Variants in ZNF678 observed in about 807,000 individuals in gnomAD.
ZNF678 encodes hypothetical protein MGC42493.
Under a neutral mutation model 3.0 loss-of-function variants are expected in ZNF678, and 5 were observed. That is an observed-to-expected ratio of 1.69 (90% CI 0.88 to 3.56). ZNF678 has a LOEUF of 3.56. ZNF678 is among the 30% of genes most tolerant of loss of function. ZNF678 has a pLI of 0.00. For missense variants in ZNF678, 593 were observed against 605.0 expected, an observed-to-expected ratio of 0.98 and a Z score of 0.21; for synonymous variants, 218 against 199.6, an observed-to-expected ratio of 1.09 and a Z score of -0.78.
Position 227,656,557 on chromosome 1 carries a change from C to T in ZNF678, c.*729C>T, listed in dbSNP as rs2102809170. The T allele has an allele frequency of 6.6e-6, 1 of 151,734 alleles. No homozygotes were observed. Among genetic ancestry groups the T allele is most frequent in the Middle Eastern group, 3.4e-3 (1 of 294 alleles). The allele number at this position is 151,734 out of a possible 1,614,324, so 9.4% of individuals were successfully genotyped here. A position where few individuals can be genotyped will look rare whatever the true frequency, so the allele number is the denominator to read the frequency against. ...TGAGAAGTTCTTCTATATTAGATGA[C>T]CATCATTTATATGCTTTTTCATGAA... On this transcript the variant is annotated 3_prime_UTR_variant, in exon 4 of 4. Coordinates refer to ENST00000343776, the MANE Select transcript of ZNF678 (RefSeq NM_001367909.1).
intron 1 of ZNF678, among the ~76,000 whole-genome samples, chr1:227,586,408 A>G (rs577316082): frequency 6.8e-4 from 103 of 152,306 alleles, no homozygotes; most frequent in African/African-American, 2.3e-3. Context: ...GAGTAAAACA[A>G]TGTTCCACCA....
intron 1 of ZNF678, among the ~76,000 whole-genome samples, chr1:227,603,172 C>T (rs1432042662): frequency 6.6e-6 from 1 of 152,172 alleles, no homozygotes; most frequent in Non-Finnish European, 1.5e-5. Context: ...AAGAGCAGCT[C>T]CACAGGCAGC....
At chr1:227,632,091 A>G (rs956062742) in intron 1 of ZNF678, among the ~76,000 whole-genome samples, 4 of 152,166 alleles carry the variant, frequency 2.6e-5, no homozygotes, top group African/African-American at 4.8e-5. Flanking sequence ...CTTCCTAGCC[A>G]TTTACAAACT....
chr1:227,648,174 A>T lies in ZNF678; in HGVS notation c.-37+1504A>T, dbSNP rs560485772. ...TTTAATATATCTACTCCCTACATTT[A>T]AAAAAAATACTATTTTATTAGGGAG... On this transcript the variant is annotated intron_variant, in intron 2 of 3. Coordinates refer to ENST00000343776, the MANE Select transcript of ZNF678 (RefSeq NM_001367909.1). Among the ~76,000 whole-genome samples the T allele has an allele frequency of 8.6e-5, 13 of 152,038 alleles. No individual in the cohort carries two copies. The South Asian group carries it at 2.3e-3, about 27-fold the overall frequency.
At chr1:227,647,118 G>C (rs12133008) in intron 2 of ZNF678, among the ~76,000 whole-genome samples, 3 of 151,988 alleles carry the variant, frequency 2.0e-5, no homozygotes, top group African/African-American at 7.3e-5. Flanking sequence ...TTAGATGGGC[G>C]TGGTGGCATG....
intron 1 of ZNF678, among the ~76,000 whole-genome samples, chr1:227,619,534 C>T (rs975776175): frequency 6.6e-6 from 1 of 151,832 alleles, no homozygotes; most frequent in African/African-American, 2.4e-5. Flanking sequence ...TGTTTTTCGA[C>T]GGAGTCTTGC....
At chr1:227,636,754 A>G (rs563123427) in intron 1 of ZNF678, among the ~76,000 whole-genome samples, 3 of 152,156 alleles carry the variant, frequency 2.0e-5, no homozygotes, top group South Asian at 2.1e-4. Flanking sequence ...ACCCTGGTGC[A>G]GTAGACCCAG....
At chr1:227,563,749 C>T in intron 1 of ZNF678, 25 bp downstream of exon 1, 1 of 1,311,298 alleles carries the variant, frequency 7.6e-7, no homozygotes. Flanking sequence ...GAGGGTGTTC[C>T]AAGATGGCGG....
chr1:227,667,495 A>C (rs778383977), intron 5 of ZNF678, among the ~76,000 whole-genome samples: 1 of 152,232 alleles, frequency 6.6e-6, no homozygotes, highest in Non-Finnish European at 1.5e-5. Context: ...CTACAATTAA[A>C]AGTAGAACTG....
Position 227,605,222 on chromosome 1 carries a change from G to A in ZNF678, c.-163-41322G>A, listed in dbSNP as rs190077015. Among the ~76,000 whole-genome samples the A allele has an allele frequency of 4.0e-3, 612 of 152,162 alleles. 4 individuals are homozygous for A. The highest frequency in any genetic ancestry group is 0.014 in the African/African-American group (565 of 41,504). On this transcript the variant is annotated intron_variant, in intron 1 of 3. Transcript: ENST00000343776. Reference sequence around the variant, plus strand: ...ATTTGGTTTTATTTTGAATGATATAGTTTTCTTTGTTGTATTTTCAGAAAG... The same window carrying A: ...ATTTGGTTTTATTTTGAATGATATAATTTTCTTTGTTGTATTTTCAGAAAG...
Position 227,611,415 on chromosome 1 carries a change from A to C in ZNF678, c.-163-35129A>C, listed in dbSNP as rs550178585. On this transcript the variant is annotated intron_variant, in intron 1 of 3. Transcript: ENST00000343776. Reference sequence around the variant, plus strand: ...GCAGACTTCACAATCAGCCTCCCTCACTCACTCACAGAGTTCTTTTCTTGG... The same window carrying C: ...GCAGACTTCACAATCAGCCTCCCTCCCTCACTCACAGAGTTCTTTTCTTGG... Among the ~76,000 whole-genome samples the C allele has an allele frequency of 5.9e-5, 9 of 152,218 alleles. 2 individuals are homozygous for C. Among genetic ancestry groups the C allele is most frequent in the African/African-American group, 1.4e-4 (6 of 41,538 alleles).
chr1:227,637,609 G>C lies in ZNF678; in HGVS notation c.-163-8935G>C, dbSNP rs143950694. ...GTTGGAGAAAGGTTTGGTGAGGTCTGGGAGAGTGAGGACGGGGGCCTGAAA... is the reference window on the plus strand; with the variant it reads ...GTTGGAGAAAGGTTTGGTGAGGTCTCGGAGAGTGAGGACGGGGGCCTGAAA... On this transcript the variant is annotated intron_variant, in intron 1 of 3. Coordinates refer to ENST00000343776, the MANE Select transcript of ZNF678 (RefSeq NM_001367909.1). 2.0e-5 allele frequency among the ~76,000 whole-genome samples: 3 copies of C among 152,244 alleles called. No homozygotes were observed. In the East Asian group the frequency reaches 5.8e-4, roughly 29 times the overall value.
At chr1:227,574,353 A>C (rs1656935076) in intron 1 of ZNF678, among the ~76,000 whole-genome samples, 1 of 152,122 alleles carries the variant, frequency 6.6e-6, no homozygotes, top group Admixed American at 6.6e-5. Flanking sequence ...ACTTTTTGAT[A>C]ATAGCCATTC....
intron 5 of ZNF678, among the ~76,000 whole-genome samples, chr1:227,674,838 AC>A (rs1453733315): frequency 1.3e-5 from 2 of 152,000 alleles, no homozygotes; most frequent in African/African-American, 4.8e-5. Flanking sequence ...TGATCCACCC[AC>A]CCCAGCCTCC....
At chr1:227,666,640 C>T (rs80320868), downstream of ZNF678, among the ~76,000 whole-genome samples, 655 of 151,932 alleles carry the variant, frequency 4.3e-3, 5 homozygotes, top group African/African-American at 0.015. Flanking sequence ...TGCTGCAGTT[C>T]GACAGGGGAT....
At chr1:227,675,097 C>T (rs777025582) in intron 5 of ZNF678, among the ~76,000 whole-genome samples, 2 of 152,058 alleles carry the variant, frequency 1.3e-5, no homozygotes, top group Non-Finnish European at 2.9e-5. Context: ...ATATTGAAGC[C>T]GTAACCTGAA....
At chr1:227,575,606 T>A (rs1254537784) in intron 1 of ZNF678, among the ~76,000 whole-genome samples, 1 of 152,158 alleles carries the variant, frequency 6.6e-6, no homozygotes, top group Non-Finnish European at 1.5e-5. Context: ...ATCCTGAGAC[T>A]TTACTGAAGT....
chr1:227,585,778 C>A (rs28470379), intron 1 of ZNF678, among the ~76,000 whole-genome samples: 312 of 148,198 alleles, frequency 2.1e-3, no homozygotes, highest in Middle Eastern at 7.0e-3. Flanking sequence ...TCAGTCCCCC[C>A]AAAAAAAAAC....
At chr1:227,669,314 A>G (rs2102819708) in intron 5 of ZNF678, among the ~76,000 whole-genome samples, 1 of 152,236 alleles carries the variant, frequency 6.6e-6, no homozygotes, top group South Asian at 2.1e-4. Flanking sequence ...ATCAAAAAAT[A>G]CTCATCACAA....
Sources: allele counts gnomAD v4.1 joint callset (sites outside exome capture counted in the v4.1 genomes callset), GRCh38; gene constraint gnomAD v4.1.1; transcripts MANE v1.5; gene names NCBI Gene and HGNC (gene_info 2026-07-23, HGNC 2026-07-21).